Variants in FLRT2 observed in about 807,000 individuals in gnomAD.
FLRT2 encodes the protein fibronectin leucine rich transmembrane protein 2.
A neutral mutation model predicts 40.0 loss-of-function variants in FLRT2; 15 were observed. The ratio of observed to expected loss-of-function variants is 0.38; its 90% CI spans 0.25 to 0.58. FLRT2 has a LOEUF of 0.58. Among genes scored for constraint, FLRT2 ranks in the 20% least tolerant of loss-of-function variants. The pLI, the probability that FLRT2 is intolerant of heterozygous loss-of-function variation, is 0.71. For missense variants in FLRT2, 726 were observed against 840.0 expected (o/e 0.86, Z 1.68); for synonymous variants, 380 against 336.8 (o/e 1.13, Z -1.41).
intron 1 of FLRT2, among the ~76,000 whole-genome samples, chr14:85,596,493 T>TTTG (rs1892144310): frequency 6.6e-6 from 1 of 151,442 alleles, no homozygotes; most frequent in Non-Finnish European, 1.5e-5. Context: ...TAAGACAGTC[T>TTTG]TTGTTGTCGT....
chr14:85,542,503 C>T (rs1389826253), intron 1 of FLRT2, among the ~76,000 whole-genome samples: 4 of 151,972 alleles, frequency 2.6e-5, no homozygotes, highest in Admixed American at 2.6e-4. Flanking sequence ...GTAATATATA[C>T]ATATAATTAA....
At position 85,643,083 on chromosome 14, in the gene FLRT2, G is replaced by A. The variant is rs1022480787; in HGVS notation, c.*19586G>A. The A allele has an allele frequency of 1.3e-5, 2 of 151,988 alleles. No individual in the cohort carries two copies. Among genetic ancestry groups the A allele is most frequent in the African/African-American group, 4.8e-5 (2 of 41,390 alleles). 9.4% of individuals were successfully genotyped at this position (151,988 alleles called of 1,614,324 possible). A position where few individuals can be genotyped will look rare whatever the true frequency, so the allele number is the denominator to read the frequency against. ...TATTAGGTCATTATTCTCAACATGA[G>A]GGCTCCACCCTTATGGATTAATTGC... On this transcript the variant is annotated 3_prime_UTR_variant, in exon 2 of 2. Transcript: ENST00000330753.
In FLRT2 at chr14:85,643,043, T is replaced by C. The variant is rs1305292581; in HGVS notation, c.*19546T>C. The C allele has an allele frequency of 1.3e-5, 2 of 152,308 alleles. No homozygotes were observed. Among genetic ancestry groups the C allele is most frequent in the East Asian group, 3.9e-4 (2 of 5,158 alleles). The allele number at this position is 152,308 out of a possible 1,614,324, so 9.4% of individuals were successfully genotyped here. On this transcript the variant is annotated 3_prime_UTR_variant, in exon 2 of 2. Transcript: ENST00000330753. Reference sequence around the variant, plus strand: ...GTAAACAACTGCCCTCAGAAGGCTCTCTCCTGTCTCTTTTTATTAGGTCAT... The same window carrying C: ...GTAAACAACTGCCCTCAGAAGGCTCCCTCCTGTCTCTTTTTATTAGGTCAT...
intron 1 of FLRT2, among the ~76,000 whole-genome samples, chr14:85,568,608 T>C (rs535547000): frequency 2.6e-5 from 4 of 152,172 alleles, no homozygotes; most frequent in Non-Finnish European, 5.9e-5. Context: ...TGCTTTTTTG[T>C]TGTTGTTGTT....
intron 1 of FLRT2, among the ~76,000 whole-genome samples, chr14:85,610,253 G>A (rs926466058): frequency 1.3e-5 from 2 of 152,052 alleles, no homozygotes. Flanking sequence ...GGATGTTCGC[G>A]AGAAGAGACT....
In FLRT2 at chr14:85,643,327, C is replaced by CT. The variant is rs1444590101; in HGVS notation, c.*19833dup. On this transcript the variant is annotated 3_prime_UTR_variant, in exon 2 of 2. Transcript: ENST00000330753. ...TCTTTCTTTCTTTCTTTCTTTCTTT[C>CT]TTTCTTTCTTTCTTTCTTTCTTTCT... 2 of 113,388 alleles carry CT rather than the reference C, an allele frequency of 1.8e-5. No individual in the cohort carries two copies. The highest frequency in any genetic ancestry group is 3.8e-5 in the African/African-American group (1 of 26,456). 7.0% of individuals were successfully genotyped at this position (113,388 alleles called of 1,614,324 possible).
chr14:85,578,766 A>G (rs2139871961), intron 1 of FLRT2, among the ~76,000 whole-genome samples: 1 of 152,306 alleles, frequency 6.6e-6, no homozygotes. Context: ...AATTGAATAA[A>G]TGCACACACA....
In FLRT2 at chr14:85,649,448, T is replaced by G. The variant is rs2139409140; in HGVS notation, c.*25951T>G. 1.3e-5 allele frequency: 2 copies of G among 152,262 alleles called. No homozygotes were observed. Among genetic ancestry groups the G allele is most frequent in the South Asian group, 2.1e-4 (1 of 4,828 alleles). 9.4% of individuals were successfully genotyped at this position (152,262 alleles called of 1,614,324 possible). A position where few individuals can be genotyped will look rare whatever the true frequency, so the allele number is the denominator to read the frequency against. On this transcript the variant is annotated 3_prime_UTR_variant, in exon 2 of 2. Transcript: ENST00000330753. ...GGATATGTGTGTCTTGAGGCAGAAC[T>G]TAATTCAAAATTGTTCAGTGTTTTG...
chr14:85,632,723 T>A lies in FLRT2; in HGVS notation c.*9226T>A, dbSNP rs1393244725. The stretch of plus-strand genomic sequence containing the variant: ...GTTCACATTGTGTTATCTTGGTTAT[T>A]GCCATGAGAATAGTCTTTCCTAGAA... On this transcript the variant is annotated 3_prime_UTR_variant, in exon 2 of 2. Coordinates refer to ENST00000330753, the MANE Select transcript of FLRT2 (RefSeq NM_013231.6). The A allele has an allele frequency of 6.6e-6, 1 of 152,186 alleles. No individual in the cohort carries two copies. The highest frequency in any genetic ancestry group is 1.5e-5 in the Non-Finnish European group (1 of 68,038). The allele number at this position is 152,186 out of a possible 1,614,324, so 9.4% of individuals were successfully genotyped here. A position where few individuals can be genotyped will look rare whatever the true frequency, so the allele number is the denominator to read the frequency against.
intron 1 of FLRT2, among the ~76,000 whole-genome samples, chr14:85,599,604 G>A (rs1343235946): frequency 7.9e-5 from 12 of 152,058 alleles, no homozygotes; most frequent in Admixed American, 7.2e-4. Flanking sequence ...TAGTCAGACA[G>A]CGCCATGTAC....
rs139652600 is a variant in FLRT2 at position 85,574,367 on chromosome 14, C to T, written c.-377+43833C>T. 3.2e-3 allele frequency among the ~76,000 whole-genome samples: 492 copies of T among 152,146 alleles called. 1 individual carries two copies. The highest frequency in any genetic ancestry group is 5.1e-3 in the Non-Finnish European group (347 of 67,998). ...CATATTCTTGCATGCATATGTCCCACGCAATATTCGAATCTTGTTTTATCT... is the reference window on the plus strand; with the variant it reads ...CATATTCTTGCATGCATATGTCCCATGCAATATTCGAATCTTGTTTTATCT... On this transcript the variant is annotated intron_variant, in intron 1 of 1. Transcript: ENST00000330753.
intron 1 of FLRT2, among the ~76,000 whole-genome samples, chr14:85,536,958 A>C (rs1888698637): frequency 6.6e-6 from 1 of 152,210 alleles, no homozygotes; most frequent in Non-Finnish European, 1.5e-5. Context: ...TGCTGAATGT[A>C]AGTGAAATTT....
chr14:85,582,486 G>A (rs1891433383), intron 1 of FLRT2, among the ~76,000 whole-genome samples: 1 of 152,172 alleles, frequency 6.6e-6, no homozygotes, highest in Admixed American at 6.5e-5. Flanking sequence ...GCCAGTCAGA[G>A]TTTAAATCCT....
chr14:85,569,018 T>C (rs1890771506), intron 1 of FLRT2, among the ~76,000 whole-genome samples: 2 of 152,144 alleles, frequency 1.3e-5, no homozygotes, highest in South Asian at 4.1e-4. Flanking sequence ...GATGGATCAG[T>C]AAACCCTTTC....
At position 85,633,110 on chromosome 14, in the gene FLRT2, A is replaced by G. The variant is rs1213116964; in HGVS notation, c.*9613A>G. The G allele has an allele frequency of 1.3e-5, 2 of 152,242 alleles. No individual in the cohort carries two copies. The highest frequency in any genetic ancestry group is 4.8e-5 in the African/African-American group (2 of 41,454). 9.4% of individuals were successfully genotyped at this position (152,242 alleles called of 1,614,324 possible). A position where few individuals can be genotyped will look rare whatever the true frequency, so the allele number is the denominator to read the frequency against. ...AATCAAATTTCTTGTGTATTGGGGTAAGAATTACATGTAGAGATGATCTAT... is the reference window on the plus strand; with the variant it reads ...AATCAAATTTCTTGTGTATTGGGGTGAGAATTACATGTAGAGATGATCTAT... On this transcript the variant is annotated 3_prime_UTR_variant, in exon 2 of 2. Transcript: ENST00000330753.
rs1423297446 is a variant in FLRT2 at position 85,635,858 on chromosome 14, A to G, written c.*12361A>G. 1 of 152,156 alleles carries G rather than the reference A, an allele frequency of 6.6e-6. No homozygotes were observed. Among genetic ancestry groups the G allele is most frequent in the East Asian group, 1.9e-4 (1 of 5,198 alleles). 9.4% of individuals were successfully genotyped at this position (152,156 alleles called of 1,614,324 possible). Reference sequence around the variant, plus strand: ...TGTTTAGTCTTTAAAGCGGTTACCTAAGAATATCTGCCAGTGAACACTAGC... The same window carrying G: ...TGTTTAGTCTTTAAAGCGGTTACCTGAGAATATCTGCCAGTGAACACTAGC... On this transcript the variant is annotated 3_prime_UTR_variant, in exon 2 of 2. Transcript: ENST00000330753.
At chr14:85,607,255 C>A (rs945626435) in intron 1 of FLRT2, among the ~76,000 whole-genome samples, 16 of 152,032 alleles carry the variant, frequency 1.1e-4, no homozygotes, top group African/African-American at 3.9e-4. Context: ...AGTCATGCTC[C>A]CTCCTCTCCT....
intron 1 of FLRT2, among the ~76,000 whole-genome samples, chr14:85,557,329 A>T (rs766623864): frequency 2.2e-4 from 34 of 152,016 alleles, no homozygotes; most frequent in Non-Finnish European, 4.4e-4. Flanking sequence ...CAAGGTTCAT[A>T]TCATATTCAT....
chr14:85,565,554 TTTTA>T (rs1412905600), intron 1 of FLRT2, among the ~76,000 whole-genome samples: 2 of 152,210 alleles, frequency 1.3e-5, no homozygotes, highest in Non-Finnish European at 2.9e-5. Flanking sequence ...TCAAAATTTT[TTTTA>T]TTTATTTAAA....
Sources: allele counts gnomAD v4.1 joint callset (sites outside exome capture counted in the v4.1 genomes callset), GRCh38; gene constraint gnomAD v4.1.1; transcripts MANE v1.5; gene names NCBI Gene and HGNC (gene_info 2026-07-23, HGNC 2026-07-21).